The following ACACB variants were observed in gnomAD, a reference collection of about 807,000 sequenced individuals.
ACACB encodes acetyl-CoA carboxylase beta.
In ACACB, 209 loss-of-function variants were observed where a neutral mutation model predicts 278.8. That is an observed-to-expected ratio of 0.75 (90% CI 0.67 to 0.84). The LOEUF (loss-of-function observed/expected upper bound fraction) is 0.84. Among genes scored for constraint, ACACB ranks in the 40% least tolerant of loss-of-function variants. ACACB has a pLI of 0.00. For missense variants in ACACB, 2,850 were observed against 3,269.0 expected, an observed-to-expected ratio of 0.87 and a Z score of 3.13; for synonymous variants, 1,174 against 1,285.6, an observed-to-expected ratio of 0.91 and a Z score of 1.86.
intron 44 of ACACB, among the ~76,000 whole-genome samples, chr12:109,254,932 A>G (rs961779387): frequency 3.3e-5 from 5 of 151,888 alleles, no homozygotes; most frequent in Non-Finnish European, 7.4e-5. Flanking sequence ...CTGCCACCAC[A>G]CCCAGCTAAT....
intron 19 of ACACB, among the ~76,000 whole-genome samples, chr12:109,204,196 C>G (rs556737542): frequency 6.7e-6 from 1 of 150,022 alleles, no homozygotes; most frequent in South Asian, 2.1e-4. Context: ...CAGTTCTACT[C>G]TTTTGGTTAG....
chr12:109,135,181 TTCTC>T (rs552676454), intron 1 of ACACB, among the ~76,000 whole-genome samples: 5 of 151,776 alleles, frequency 3.3e-5, no homozygotes, highest in Admixed American at 1.3e-4. Context: ...ACACTTGTTA[TTCTC>T]TCTCTCTCTC....
intron 24 of ACACB, among the ~76,000 whole-genome samples, chr12:109,221,909 G>A (rs2046175908): frequency 6.8e-6 from 1 of 147,808 alleles, no homozygotes; most frequent in African/African-American, 2.6e-5. Flanking sequence ...GGGAGACAGA[G>A]TCTGGCTCTG....
intron 2 of ACACB, among the ~76,000 whole-genome samples, chr12:109,152,649 T>TTTC (rs2043409426): frequency 7.1e-6 from 1 of 141,654 alleles, no homozygotes; most frequent in African/African-American, 2.6e-5. Context: ...TCTTTTTTTT[T>TTTC]TTTTTTTTTT....
chr12:109,196,600 G>A (rs933669448), intron 16 of ACACB, among the ~76,000 whole-genome samples: 3 of 152,184 alleles, frequency 2.0e-5, no homozygotes, highest in Non-Finnish European at 2.9e-5. Context: ...TAGGGGTTGG[G>A]ATTTCAACTT....
At position 109,223,845 on chromosome 12, in the gene ACACB, G is replaced by A. The variant is rs1361682154; in HGVS notation, c.3823G>A (p.Asp1275Asn). The A allele has an allele frequency of 3.7e-6, 6 of 1,613,842 alleles. No individual in the cohort carries two copies. Among genetic ancestry groups the A allele is most frequent in the Middle Eastern group, 3.3e-4 (2 of 6,062 alleles). The part of the protein sequence containing the change: ...KLILSETTIF[D>N]VLPTFFYHAN... Reference sequence around the variant, plus strand: ...AATACTTTCGGAAACAACCATCTTCGACGTCCTGCCTACTTTCTTCTATCA... The same window carrying A: ...AATACTTTCGGAAACAACCATCTTCAACGTCCTGCCTACTTTCTTCTATCA... The change falls in exon 27 of 53, where the codon GAC becomes AAC. Residue 1275 changes from aspartate (D) to asparagine (N), a missense_variant. Physicochemically the swap from Asp to Asn is conservative, Grantham distance 23. This residue lies in a region of ACACB where 2,265 missense variants were observed against 2,561.3 expected (regional missense o/e 0.88). Transcript: ENST00000338432.
chr12:109,193,706 G>A lies in ACACB; in HGVS notation c.2458G>A (p.Gly820Arg), dbSNP rs550603462. 4.3e-6 allele frequency: 7 copies of A among 1,613,638 alleles called. No homozygotes were observed. Among genetic ancestry groups the A allele is most frequent in the East Asian group, 2.2e-5 (1 of 44,882 alleles). ...LNLVDVELIY[G>R]GVKYILKVAR... ...CCTCGTAGATGTGGAATTAATTTAC[G>A]GAGGTGTTAAGTACATTCTCAAGGT... is the stretch of plus-strand genomic sequence containing the variant. The change falls in exon 16 of 53, where the codon GGA (glycine) becomes AGA (arginine). Residue 820 changes from glycine (G) to arginine (R), a missense_variant. By Grantham distance (125) the Gly-to-Arg change is moderately radical. Around this residue, in one of 3 missense-constraint regions of ACACB, gnomAD observed 2,265 missense variants for 2,561.3 expected, o/e 0.88. Coordinates refer to ENST00000338432, the MANE Select transcript of ACACB (RefSeq NM_001093.4).
chr12:109,179,550 G>A (rs991468461), intron 10 of ACACB, among the ~76,000 whole-genome samples: 5 of 152,144 alleles, frequency 3.3e-5, no homozygotes, highest in South Asian at 2.1e-4. Context: ...GCAGTGGTGC[G>A]ATGATAGTTC....
intron 43 of ACACB, 127 bp downstream of exon 43, chr12:109,253,285 G>A: frequency 9.3e-7 from 1 of 1,080,886 alleles, no homozygotes; most frequent in Non-Finnish European, 1.3e-6. Flanking sequence ...CATGTGGCTG[G>A]GGTTGATTTT....
At chr12:109,135,905 G>C (rs2042956103) in intron 1 of ACACB, among the ~76,000 whole-genome samples, 1 of 151,226 alleles carries the variant, frequency 6.6e-6, no homozygotes, top group African/African-American at 2.4e-5. Flanking sequence ...TGCCTCCCGG[G>C]TTCACGCCAT....
At chr12:109,257,476 C>T (rs1405730341) in intron 45 of ACACB, among the ~76,000 whole-genome samples, 1 of 152,188 alleles carries the variant, frequency 6.6e-6, no homozygotes, top group Non-Finnish European at 1.5e-5. Flanking sequence ...AGCTGAGTCT[C>T]TGTCCAGTTC....
chr12:109,193,174 A>G (rs1250627811), intron 15 of ACACB, among the ~76,000 whole-genome samples: 1 of 150,966 alleles, frequency 6.6e-6, no homozygotes, highest in Non-Finnish European at 1.5e-5. Context: ...CAGGCTGCTC[A>G]GGGTGATTCA....
intron 22 of ACACB, among the ~76,000 whole-genome samples, chr12:109,213,913 T>C (rs1249973456): frequency 6.6e-6 from 1 of 152,068 alleles, no homozygotes; most frequent in African/African-American, 2.4e-5. Context: ...AAAAGGATTT[T>C]CTGCCACTTT....
chr12:109,150,774 A>G (rs1019894797), intron 2 of ACACB, among the ~76,000 whole-genome samples: 1 of 152,174 alleles, frequency 6.6e-6, no homozygotes, highest in African/African-American at 2.4e-5. Context: ...GGCTCCAAGC[A>G]AGGAACAGGT....
At chr12:109,256,521 A>G (rs115416703) in intron 45 of ACACB, among the ~76,000 whole-genome samples, 2,102 of 152,290 alleles carry the variant, frequency 0.014, 46 homozygotes, top group African/African-American at 0.048. Flanking sequence ...CTCTCCCCAG[A>G]AAACTTCACA....
Position 109,252,123 on chromosome 12 carries a change from CAT to C in ACACB, c.5869_5870del (p.Ile1957HisfsTer42), listed in dbSNP as rs768294360. On this transcript the variant is annotated frameshift_variant, in exon 42 of 53. Transcript: ENST00000338432. LOFTEE classifies it high-confidence loss of function. ...GAGTGATCCAGGTGGAGAATTCCCA[CAT>C]CATCCTCACAGGAGCAAGTGCTCTC... is the stretch of plus-strand genomic sequence containing the variant. ...QRVIQVENSH[I>X]ILTGASALNK... 14 of 1,613,214 alleles carry C rather than the reference CAT, an allele frequency of 8.7e-6. No individual in the cohort carries two copies. The East Asian group carries it at 2.9e-4, about 33-fold the overall frequency.
rs780343613 is a variant in ACACB at position 109,176,204 on chromosome 12, G to A, written c.1378G>A (p.Gly460Arg). The change falls in exon 9 of 53, where the codon GGA becomes AGA. Residue 460 changes from glycine (G) to arginine (R), a missense_variant. Coordinates refer to ENST00000338432, the MANE Select transcript of ACACB (RefSeq NM_001093.4). Reference sequence around the variant, plus strand: ...GATGATCAAAGCTTCTGAAGGTGGCGGAGGGAAGGGAATCCGGAAGGCTGA... The same window carrying A: ...GATGATCAAAGCTTCTGAAGGTGGCAGAGGGAAGGGAATCCGGAAGGCTGA... The part of the protein sequence containing the change: ...PLMIKASEGG[G>R]GKGIRKAESA... 6.8e-6 allele frequency: 11 copies of A among 1,614,070 alleles called. No individual in the cohort carries two copies. The highest frequency in any genetic ancestry group is 2.7e-5 in the African/African-American group (2 of 74,920).
At chr12:109,219,130 C>A (rs1213780751) in intron 24 of ACACB, among the ~76,000 whole-genome samples, 1 of 152,088 alleles carries the variant, frequency 6.6e-6, no homozygotes, top group Non-Finnish European at 1.5e-5. Flanking sequence ...ACGTCCACCC[C>A]CTATTGCCAC....
At chr12:109,196,637 T>C (rs1237844003) in intron 16 of ACACB, among the ~76,000 whole-genome samples, 1 of 152,180 alleles carries the variant, frequency 6.6e-6, no homozygotes, top group Non-Finnish European at 1.5e-5. Flanking sequence ...CACAAACGTT[T>C]AGTCCATTGC....
Sources: gnomAD v4.1 joint callset for allele counts (sites outside exome capture counted in the v4.1 genomes callset) on GRCh38, gnomAD v4.1.1 for gene constraint, gnomAD v4.1.1 regional missense constraint, MANE v1.5 for transcripts, NCBI Gene and HGNC (gene_info 2026-07-23, HGNC 2026-07-21) for gene names.